The following NOS1AP variants were observed in gnomAD, a reference collection of about 807,000 sequenced individuals.
NOS1AP encodes the protein nitric oxide synthase 1 adaptor protein.
A neutral mutation model predicts 56.2 loss-of-function variants in NOS1AP; 21 were observed. The ratio of observed to expected loss-of-function variants is 0.37; its 90% confidence interval spans 0.26 to 0.54. NOS1AP has a LOEUF of 0.54. Ranked by LOEUF, NOS1AP falls within the 20% of genes least tolerant of loss-of-function variation. The pLI is 0.84. For synonymous variants in NOS1AP, 270 were observed against 274.6 expected (o/e 0.98, Z 0.17); for missense variants, 522 against 657.8 (o/e 0.79, Z 2.26).
chr1:162,121,039 C>T (rs1648192529), intron 1 of NOS1AP, among the ~76,000 whole-genome samples: 1 of 148,620 alleles, frequency 6.7e-6, no homozygotes, highest in African/African-American at 2.5e-5. Flanking sequence ...CTGTCGAGGC[C>T]TATAGAGAGA....
At chr1:162,186,138 A>G (rs1227364895) in intron 2 of NOS1AP, among the ~76,000 whole-genome samples, 1 of 152,188 alleles carries the variant, frequency 6.6e-6, no homozygotes, top group African/African-American at 2.4e-5. Flanking sequence ...TATATTCAGC[A>G]CCATTTATTT....
chr1:162,312,824 A>C (rs992642629), intron 4 of NOS1AP, among the ~76,000 whole-genome samples: 4 of 152,012 alleles, frequency 2.6e-5, no homozygotes, highest in Non-Finnish European at 4.4e-5. Context: ...GGCTGGTTCA[A>C]TATATGCAAA....
intron 8 of NOS1AP, among the ~76,000 whole-genome samples, chr1:162,358,356 G>C (rs1407395549): frequency 1.3e-5 from 2 of 152,198 alleles, no homozygotes. Context: ...ACCTGGGCCT[G>C]AGATGCAAGG....
intron 1 of NOS1AP, among the ~76,000 whole-genome samples, chr1:162,104,580 T>A (rs1317797362): frequency 2.0e-5 from 3 of 152,170 alleles, no homozygotes; most frequent in African/African-American, 7.2e-5. Context: ...TACATAATCC[T>A]ATATTTCTCG....
chr1:162,173,493 C>T (rs1650904083), intron 2 of NOS1AP, among the ~76,000 whole-genome samples: 1 of 152,162 alleles, frequency 6.6e-6, no homozygotes, highest in African/African-American at 2.4e-5. Context: ...CAATACCATT[C>T]AGGGCATAGG....
intron 4 of NOS1AP, 57 bp downstream of exon 4, chr1:162,300,763 C>A: frequency 6.9e-7 from 1 of 1,459,716 alleles, no homozygotes; most frequent in Non-Finnish European, 9.6e-7. Context: ...CTCCTGCCCC[C>A]TACAGCCACC....
chr1:162,145,451 C>T (rs951097985), intron 1 of NOS1AP, among the ~76,000 whole-genome samples: 23 of 152,130 alleles, frequency 1.5e-4, no homozygotes, highest in Non-Finnish European at 2.5e-4. Flanking sequence ...TTCCTCCCCT[C>T]CCCCAGAGTA....
intron 8 of NOS1AP, among the ~76,000 whole-genome samples, chr1:162,357,428 A>G (rs1657740929): frequency 6.6e-6 from 1 of 152,128 alleles, no homozygotes; most frequent in Non-Finnish European, 1.5e-5. Flanking sequence ...GAAAAGATGC[A>G]CACAATTCCA....
chr1:162,298,596 G>A (rs1451307341), intron 3 of NOS1AP, among the ~76,000 whole-genome samples: 1 of 152,206 alleles, frequency 6.6e-6, no homozygotes, highest in Non-Finnish European at 1.5e-5. Context: ...AATGCAGAAA[G>A]CTTAAATAAC....
chr1:162,353,364 C>A (rs1246502789), intron 6 of NOS1AP, among the ~76,000 whole-genome samples: 1 of 152,176 alleles, frequency 6.6e-6, no homozygotes, highest in Non-Finnish European at 1.5e-5. Context: ...TCTGCCCCTG[C>A]CCCCGCGCCC....
chr1:162,229,667 A>C (rs913499476), intron 2 of NOS1AP, among the ~76,000 whole-genome samples: 1 of 152,178 alleles, frequency 6.6e-6, no homozygotes, highest in African/African-American at 2.4e-5. Flanking sequence ...CTAAGTACAT[A>C]AATGTTTGTT....
intron 4 of NOS1AP, among the ~76,000 whole-genome samples, chr1:162,311,174 C>T (rs184375095): frequency 1.1e-3 from 163 of 152,224 alleles, no homozygotes; most frequent in African/African-American, 3.7e-3. Flanking sequence ...AAATGGCTCC[C>T]TCCACATTTA....
chr1:162,190,109 G>A (rs1019870028), intron 2 of NOS1AP, among the ~76,000 whole-genome samples: 2 of 152,182 alleles, frequency 1.3e-5, no homozygotes, highest in African/African-American at 2.4e-5. Context: ...ATTTTGTGGA[G>A]CTTAACTTTT....
chr1:162,274,964 A>G (rs1571181936), intron 2 of NOS1AP, among the ~76,000 whole-genome samples: 1 of 152,236 alleles, frequency 6.6e-6, no homozygotes, highest in South Asian at 2.1e-4. Flanking sequence ...TATTCTGGAT[A>G]CAAATCTTTT....
chr1:162,107,563 C>T (rs866013531), intron 1 of NOS1AP, among the ~76,000 whole-genome samples: 3 of 152,136 alleles, frequency 2.0e-5, no homozygotes, highest in East Asian at 1.9e-4. Context: ...AGGCTGGTCT[C>T]GAGCTCCTGG....
chr1:162,230,287 G>A (rs1653081995), intron 2 of NOS1AP, among the ~76,000 whole-genome samples: 1 of 152,182 alleles, frequency 6.6e-6, no homozygotes, highest in Admixed American at 6.5e-5. Context: ...CCAGGAAGTT[G>A]CCTGCTGTGC....
rs556823375 is a variant in NOS1AP, at chr1:162,231,458, T to C, written c.178-55886T>C. Among the ~76,000 whole-genome samples the C allele has an allele frequency of 5.3e-5, 8 of 152,352 alleles. No homozygotes were observed. The East Asian group carries it at 7.7e-4, about 15-fold the overall frequency. Reference sequence around the variant, plus strand: ...TGTCTTTTTACTCTGTTGTGTCTTTTGCACAGGCGTTTTACATTTTAATGC... The same window carrying C: ...TGTCTTTTTACTCTGTTGTGTCTTTCGCACAGGCGTTTTACATTTTAATGC... On this transcript the variant is annotated intron_variant, in intron 2 of 9. Transcript: ENST00000361897.
chr1:162,076,022 T>C lies in NOS1AP; in HGVS notation c.105+5740T>C, dbSNP rs144751701. Among the ~76,000 whole-genome samples, 73 of 152,340 alleles carry C rather than the reference T, an allele frequency of 4.8e-4. 1 individual carries two copies. The highest frequency in any genetic ancestry group is 1.6e-3 in the African/African-American group (65 of 41,584). ...TAGTGGTCAAAATCATGCAGCCACA[T>C]CTAATGATGACCTTTGCCAGTTATC... On this transcript the variant is annotated intron_variant, in intron 1 of 9. Transcript: ENST00000361897.
At chr1:162,264,718 G>T (rs1363727236) in intron 2 of NOS1AP, among the ~76,000 whole-genome samples, 3 of 150,436 alleles carry the variant, frequency 2.0e-5, no homozygotes, top group African/African-American at 7.4e-5. Flanking sequence ...TGTTGACCAG[G>T]CTGGTCTCGA....
Sources: allele counts gnomAD v4.1 joint callset (sites outside exome capture counted in the v4.1 genomes callset), GRCh38; gene constraint gnomAD v4.1.1; transcripts MANE v1.5; gene names NCBI Gene and HGNC (gene_info 2026-07-23, HGNC 2026-07-21).